The following ASCC3 variants were observed in gnomAD, a reference collection of about 807,000 sequenced individuals.
The protein encoded by ASCC3 is ASC-1 complex subunit P200.
ASCC3 carries 158 observed loss-of-function variants against 256.3 expected under a neutral mutation model. The observed-to-expected ratio is 0.62, with a 90% CI of 0.54 to 0.70. The LOEUF (loss-of-function observed/expected upper bound fraction) is 0.70. Ranked by LOEUF, ASCC3 falls within the 30% of genes least tolerant of loss-of-function variation. The pLI is 0.00. For synonymous variants in ASCC3, 948 were observed against 883.4 expected, an observed-to-expected ratio of 1.07 and a Z score of -1.30; for missense variants, 2,259 against 2,626.0, an observed-to-expected ratio of 0.86 and a Z score of 3.05.
intron 14 of ASCC3, among the ~76,000 whole-genome samples, chr6:100,669,187 T>C (rs1776616423): frequency 6.7e-6 from 1 of 150,158 alleles, no homozygotes; most frequent in African/African-American, 2.4e-5. Flanking sequence ...CTTAATATTA[T>C]GTAAAATATT....
chr6:100,518,187 C>G, intron 37 of ASCC3, 45 bp from the exon 38 acceptor site: 2 of 1,606,010 alleles, frequency 1.2e-6, no homozygotes, highest in Non-Finnish European at 1.7e-6. Flanking sequence ...TATCATGGTA[C>G]TTGCCCCCTC....
At chr6:100,864,548 T>C (rs998254) in intron 2 of ASCC3, among the ~76,000 whole-genome samples, 33,994 of 152,126 alleles carry the variant, frequency 0.22, 4,494 homozygotes, top group Middle Eastern at 0.31. Context: ...ATCACACATC[T>C]TGCCATTTTT....
intron 14 of ASCC3, among the ~76,000 whole-genome samples, chr6:100,669,694 CAAAAT>C (rs1776646604): frequency 6.6e-6 from 1 of 151,042 alleles, no homozygotes; most frequent in African/African-American, 2.4e-5. Flanking sequence ...TCTATGAAAA[CAAAAT>C]AAGTAAAACA....
At position 100,727,630 on chromosome 6, in the gene ASCC3, A is replaced by G. The variant is rs1288622572; in HGVS notation, c.1738-1927T>C. On this transcript the variant is annotated intron_variant, in intron 10 of 41. Transcript: ENST00000369162. ...CAGAGCTATGCAGCTATGGATCTGAACTTTCTGTTCTGGGTTTGTAACAAC... is the reference window on the plus strand; with the variant it reads ...CAGAGCTATGCAGCTATGGATCTGAGCTTTCTGTTCTGGGTTTGTAACAAC... Among the ~76,000 whole-genome samples the G allele has an allele frequency of 2.0e-5, 3 of 150,178 alleles. No individual in the cohort carries two copies. In the East Asian group the frequency reaches 5.9e-4, roughly 29 times the overall value.
At chr6:100,583,448 T>G (rs928249064) in intron 36 of ASCC3, among the ~76,000 whole-genome samples, 19 of 152,200 alleles carry the variant, frequency 1.2e-4, no homozygotes, top group African/African-American at 4.3e-4. Flanking sequence ...CTTTATCATT[T>G]TTTATTGCAT....
intron 34 of ASCC3, among the ~76,000 whole-genome samples, chr6:100,594,627 G>T (rs1266454382): frequency 6.6e-6 from 1 of 152,076 alleles, no homozygotes; most frequent in Non-Finnish European, 1.5e-5. Flanking sequence ...AGTATGGATA[G>T]TTCCTAAAAA....
chr6:100,551,026 C>G (rs1769271794), intron 36 of ASCC3, among the ~76,000 whole-genome samples: 1 of 151,976 alleles, frequency 6.6e-6, no homozygotes, highest in Admixed American at 6.6e-5. Context: ...TCCAGACAGT[C>G]ACCCTCCTAA....
At chr6:100,760,740 T>A (rs917961936) in intron 10 of ASCC3, among the ~76,000 whole-genome samples, 5 of 152,050 alleles carry the variant, frequency 3.3e-5, no homozygotes, top group African/African-American at 1.2e-4. Flanking sequence ...AAATAAAGAA[T>A]CAGTGGCGTC....
chr6:100,683,363 A>G (rs1427344851), intron 13 of ASCC3, among the ~76,000 whole-genome samples: 1 of 152,130 alleles, frequency 6.6e-6, no homozygotes, highest in Non-Finnish European at 1.5e-5. Flanking sequence ...TCAACTTTTC[A>G]TTTTGCAAAT....
rs74478224 is a variant in ASCC3, at chr6:100,676,762, T to A, written c.2286+2856A>T. On this transcript the variant is annotated intron_variant, in intron 14 of 41. Coordinates refer to ENST00000369162, the MANE Select transcript of ASCC3 (RefSeq NM_006828.4). Reference sequence around the variant, plus strand: ...CGCGCGCGTGCGCGCACACACACACTCACACACACACACACACACACAAAA... The same window carrying A: ...CGCGCGCGTGCGCGCACACACACACACACACACACACACACACACACAAAA... Among the ~76,000 whole-genome samples the A allele has an allele frequency of 1.6e-4, 24 of 150,742 alleles. 1 individual carries two copies. The East Asian group carries it at 2.7e-3, about 17-fold the overall frequency.
In ASCC3 at chr6:100,715,457, T is replaced by C. The variant is rs1427347757; in HGVS notation, c.2151+5A>G. The C allele has an allele frequency of 1.2e-6, 2 of 1,605,868 alleles. No individual in the cohort carries two copies. The highest frequency in any genetic ancestry group is 4.5e-5 in the East Asian group (2 of 44,626). On this transcript the variant is annotated splice_donor_5th_base_variant and intron_variant, in intron 13 of 41. Transcript: ENST00000369162. ...TAAGTGTAAAAGCAGATAAAATAAGTGTACCTGGTGTCCAGCCTTTACTTG... is the reference window on the plus strand; with the variant it reads ...TAAGTGTAAAAGCAGATAAAATAAGCGTACCTGGTGTCCAGCCTTTACTTG...
chr6:100,628,092 A>AAAAAAAAAAAAAAAAAAAAAAAAAAC (rs1774336411), intron 27 of ASCC3, 105 bp from the exon 28 acceptor site: 1 of 656,518 alleles, frequency 1.5e-6, no homozygotes, highest in African/African-American at 2.0e-5. Flanking sequence ...AAACAAAAAC[A>AAAAAAAAAAAAAAAAAAAAAAAAAAC]AAAAAAAAAA....
chr6:100,767,241 A>G lies in ASCC3; in HGVS notation c.1500T>C (p.Pro500=). The G allele has an allele frequency of 1.2e-6, 2 of 1,614,112 alleles. No homozygotes were observed. The highest frequency in any genetic ancestry group is 1.7e-6 in the Non-Finnish European group (2 of 1,180,000). Residue 500 remains proline, a synonymous_variant, in exon 9 of 42, where the codon CCT becomes CCC. Transcript: ENST00000369162. The stretch of plus-strand genomic sequence containing the variant: ...CAATGTTGGTTTTTCCAGCTCCTGT[A>G]GGGGCACAAATCAGCATGTTCTCAT... ...NTNENMLICA[P]TGAGKTNIAM...
At chr6:100,621,547 C>T (rs1009363002) in intron 30 of ASCC3, among the ~76,000 whole-genome samples, 2 of 152,150 alleles carry the variant, frequency 1.3e-5, no homozygotes, top group South Asian at 2.1e-4. Context: ...GGTACCATCT[C>T]ACATCAGTCA....
chr6:100,549,580 ACT>A (rs1187189850), intron 36 of ASCC3, among the ~76,000 whole-genome samples: 1 of 151,870 alleles, frequency 6.6e-6, no homozygotes, highest in African/African-American at 2.4e-5. Context: ...GGACTGAACT[ACT>A]GTTACCTGCT....
chr6:100,556,486 C>T (rs1055843439), intron 36 of ASCC3, among the ~76,000 whole-genome samples: 3 of 151,834 alleles, frequency 2.0e-5, no homozygotes, highest in African/African-American at 7.3e-5. Context: ...ATTTATGAAG[C>T]GAAATATGTA....
At chr6:100,519,038 C>T (rs1774173333) in intron 37 of ASCC3, among the ~76,000 whole-genome samples, 1 of 152,010 alleles carries the variant, frequency 6.6e-6, no homozygotes, top group Non-Finnish European at 1.5e-5. Context: ...ATAAAATGTA[C>T]AAAATCTGTT....
At chr6:100,631,446 T>C (rs547022768) in intron 25 of ASCC3, among the ~76,000 whole-genome samples, 3 of 152,002 alleles carry the variant, frequency 2.0e-5, no homozygotes, top group South Asian at 2.1e-4. Flanking sequence ...TCATAAAAAA[T>C]ATTAACATAG....
intron 37 of ASCC3, among the ~76,000 whole-genome samples, chr6:100,536,847 C>T (rs1017318720): frequency 6.6e-6 from 1 of 152,074 alleles, no homozygotes; most frequent in Non-Finnish European, 1.5e-5. Context: ...AAAGCTGGGG[C>T]AGGGACAGCA....
Sources: allele counts gnomAD v4.1 joint callset (sites outside exome capture counted in the v4.1 genomes callset), GRCh38; gene constraint gnomAD v4.1.1; transcripts MANE v1.5; gene names NCBI Gene and HGNC (gene_info 2026-07-23, HGNC 2026-07-21).